CERS3: variants seen among roughly 807,000 people sequenced by gnomAD.
CERS3 encodes the protein LAG1 homolog, ceramide synthase 3.
Under a neutral mutation model 50.3 loss-of-function variants are expected in CERS3, and 33 were observed. The ratio of observed to expected loss-of-function variants is 0.66; its 90% CI spans 0.50 to 0.88. CERS3 has a LOEUF of 0.88. Among genes scored for constraint, CERS3 ranks in the 40% least tolerant of loss-of-function variants. The pLI, the probability that CERS3 is intolerant of heterozygous loss-of-function variation, is 0.00. For synonymous variants in CERS3, 176 were observed against 155.2 expected (o/e 1.13, Z -0.99); for missense variants, 470 against 460.3 (o/e 1.02, Z -0.19).
intron 11 of CERS3, among the ~76,000 whole-genome samples, chr15:100,454,789 A>G (rs1418188542): frequency 1.8e-5 from 2 of 113,500 alleles, no homozygotes; most frequent in Non-Finnish European, 2.1e-5. Flanking sequence ...AACCTGTTGA[A>G]TGGGAGAAAA....
intron 1 of CERS3, among the ~76,000 whole-genome samples, chr15:100,542,764 C>T (rs1033784653): frequency 5.9e-5 from 9 of 151,978 alleles, no homozygotes; most frequent in Admixed American, 2.0e-4. Context: ...TGATCTAATA[C>T]AAATACCCCT....
At chr15:100,465,034 G>A (rs1018647748) in intron 10 of CERS3, among the ~76,000 whole-genome samples, 1 of 152,072 alleles carries the variant, frequency 6.6e-6, no homozygotes, top group East Asian at 1.9e-4. Context: ...AAGGGCAAGG[G>A]AAATGCACAC....
intron 11 of CERS3, among the ~76,000 whole-genome samples, chr15:100,424,959 C>G (rs1282961479): frequency 6.6e-6 from 1 of 152,158 alleles, no homozygotes; most frequent in Non-Finnish European, 1.5e-5. Context: ...TAAAAGGGCC[C>G]CAGATATGTC....
intron 7 of CERS3, among the ~76,000 whole-genome samples, chr15:100,477,422 G>T (rs1168219673): frequency 6.6e-6 from 1 of 150,486 alleles, no homozygotes; most frequent in African/African-American, 2.5e-5. Context: ...AGGACTATAT[G>T]AGACTAATCC....
At chr15:100,538,347 C>T (rs1433647251) in intron 1 of CERS3, among the ~76,000 whole-genome samples, 2 of 152,154 alleles carry the variant, frequency 1.3e-5, no homozygotes, top group Admixed American at 1.3e-4. Flanking sequence ...GGACTCTGAC[C>T]CCACATTTCT....
chr15:100,497,698 C>T lies in CERS3; in HGVS notation c.173+3979G>A, dbSNP rs535409805. 2.4e-4 allele frequency among the ~76,000 whole-genome samples: 37 copies of T among 152,120 alleles called. No individual in the cohort carries two copies. The South Asian group carries it at 7.7e-3, about 32-fold the overall frequency. On this transcript the variant is annotated intron_variant, in intron 3 of 11. Coordinates refer to ENST00000679737, the MANE Select transcript of CERS3 (RefSeq NM_001378789.1). ...GAAATAGCATATGGGTAAGTATACA[C>T]ATAGATAAATATACACATTCATAGC... is the stretch of plus-strand genomic sequence containing the variant.
chr15:100,497,451 A>G (rs2035855021), intron 3 of CERS3, among the ~76,000 whole-genome samples: 1 of 152,032 alleles, frequency 6.6e-6, no homozygotes, highest in Admixed American at 6.6e-5. Flanking sequence ...AGTGGAGAAA[A>G]CATCCATTTT....
At chr15:100,470,564 C>T (rs759895918) in intron 9 of CERS3, among the ~76,000 whole-genome samples, 1 of 151,986 alleles carries the variant, frequency 6.6e-6, no homozygotes, top group Non-Finnish European at 1.5e-5. Context: ...CAGGGGCTAG[C>T]TGGGTGGGAA....
intron 11 of CERS3, among the ~76,000 whole-genome samples, chr15:100,432,719 G>A (rs1328089113): frequency 6.6e-6 from 1 of 152,126 alleles, no homozygotes; most frequent in African/African-American, 2.4e-5. Flanking sequence ...TAGGAGGTAC[G>A]TTCGAAAGAG....
At position 100,485,240 on chromosome 15, in the gene CERS3, C is replaced by A. The variant is rs141992601; in HGVS notation, c.289-572G>T. ...CTTTTACATTTAATTATATAGAGAG[C>A]CTATTTCAAACTAATCCAAAATAAT... On this transcript the variant is annotated intron_variant, in intron 4 of 11. Transcript: ENST00000679737. Among the ~76,000 whole-genome samples, 192 of 152,212 alleles carry A rather than the reference C, an allele frequency of 1.3e-3. 1 individual carries two copies. Among genetic ancestry groups the A allele is most frequent in the African/African-American group, 4.2e-3 (173 of 41,512 alleles).
upstream of CERS3, among the ~76,000 whole-genome samples, chr15:100,530,190 A>G (rs2036903932): frequency 6.6e-6 from 1 of 152,268 alleles, no homozygotes; most frequent in Non-Finnish European, 1.5e-5. Flanking sequence ...ACCTTCTGCC[A>G]GGAGACCACT....
chr15:100,448,556 T>A (rs2034030299), intron 11 of CERS3, among the ~76,000 whole-genome samples: 1 of 152,300 alleles, frequency 6.6e-6, no homozygotes, highest in East Asian at 1.9e-4. Flanking sequence ...AAGGAGCTCA[T>A]ACGAGGTCCC....
Position 100,496,971 on chromosome 15 carries a change from A to G in CERS3, c.173+4706T>C, listed in dbSNP as rs74041471. On this transcript the variant is annotated intron_variant, in intron 3 of 11. Coordinates refer to ENST00000679737, the MANE Select transcript of CERS3 (RefSeq NM_001378789.1). ...GGCCCCTAAATTTCAGAGACATATA[A>G]AAATAAGTGAGTTATGCCCCAGATG... Among the ~76,000 whole-genome samples the G allele has an allele frequency of 5.7e-3, 869 of 152,306 alleles. 9 individuals carry two copies. Among genetic ancestry groups the G allele is most frequent in the African/African-American group, 0.02 (812 of 41,560 alleles).
intron 11 of CERS3, among the ~76,000 whole-genome samples, chr15:100,417,425 G>A (rs1397428174): frequency 6.6e-6 from 1 of 152,072 alleles, no homozygotes; most frequent in Non-Finnish European, 1.5e-5. Context: ...TGGCTCTGAG[G>A]GTCCTACCCC....
At chr15:100,517,381 G>C (rs2036521970) in intron 2 of CERS3, among the ~76,000 whole-genome samples, 1 of 152,140 alleles carries the variant, frequency 6.6e-6, no homozygotes, top group Admixed American at 6.5e-5. Context: ...CCCTGATCAG[G>C]GTTTAGGTCA....
intron 11 of CERS3, among the ~76,000 whole-genome samples, 175 bp downstream of exon 11, chr15:100,455,718 A>C (rs1242613365): frequency 2.0e-5 from 3 of 152,200 alleles, no homozygotes; most frequent in Non-Finnish European, 4.4e-5. Flanking sequence ...AGCACCTTAA[A>C]GACCTACTTA....
At chr15:100,438,110 T>A (rs1015932009) in intron 11 of CERS3, among the ~76,000 whole-genome samples, 1 of 145,704 alleles carries the variant, frequency 6.9e-6, no homozygotes, top group Non-Finnish European at 1.5e-5. Context: ...AGTGGTGTGA[T>A]CTTGGCTCAC....
At chr15:100,483,787 A>ATTTTTATTTTTTTT (rs1555530339) in intron 5 of CERS3, among the ~76,000 whole-genome samples, 2 of 100,026 alleles carry the variant, frequency 2.0e-5, no homozygotes, top group South Asian at 3.7e-4. Context: ...TATTATTATT[A>ATTTTTATTTTTTTT]TTTTTTTTTT....
rs1011493589 is a variant in CERS3, at chr15:100,455,908, T to C, written c.984A>G (p.Arg328=). The change falls in exon 11 of 12, where the codon AGA becomes AGG. Residue 328 remains arginine, a synonymous_variant. Coordinates refer to ENST00000679737, the MANE Select transcript of CERS3 (RefSeq NM_001378789.1). ...CAGCCCTTACCTTCATGAATATACA[T>C]CTGTTGAGCATCTTCAAGATGTAAT... is the stretch of plus-strand genomic sequence containing the variant. The part of the protein sequence containing the change: ...WGYYILKMLN[R]CIFMKSIQDV... The C allele has an allele frequency of 1.2e-6, 2 of 1,610,692 alleles. No individual in the cohort carries two copies. Among genetic ancestry groups the C allele is most frequent in the Admixed American group, 1.7e-5 (1 of 59,320 alleles).
Sources: gnomAD v4.1 joint callset for allele counts (sites outside exome capture counted in the v4.1 genomes callset) on GRCh38, gnomAD v4.1.1 for gene constraint, MANE v1.5 for transcripts, NCBI Gene and HGNC (gene_info 2026-07-23, HGNC 2026-07-21) for gene names.